CTDSPL: variants seen among roughly 807,000 people sequenced by gnomAD.
CTDSPL encodes the protein CTD small phosphatase like.
A neutral mutation model predicts 30.5 loss-of-function variants in CTDSPL; 8 were observed. The observed-to-expected ratio is 0.26, with a 90% CI of 0.15 to 0.47. CTDSPL has a LOEUF of 0.47. CTDSPL is among the 20% of genes least tolerant of loss of function. The pLI, the probability that CTDSPL is intolerant of heterozygous loss-of-function variation, is 0.99. For missense variants in CTDSPL, 248 were observed against 366.1 expected (o/e 0.68, Z 2.63); for synonymous variants, 110 against 137.9 (o/e 0.80, Z 1.42).
intron 1 of CTDSPL, among the ~76,000 whole-genome samples, chr3:37,905,602 C>T: frequency 6.6e-6 from 1 of 152,206 alleles, no homozygotes; most frequent in East Asian, 1.9e-4. Flanking sequence ...CCCCCTCCCT[C>T]CTTGTGCCAC....
chr3:37,898,323 C>A (rs1027523495), intron 1 of CTDSPL, among the ~76,000 whole-genome samples: 2 of 152,172 alleles, frequency 1.3e-5, no homozygotes, highest in African/African-American at 4.8e-5. Flanking sequence ...CAGAGACTTT[C>A]TTCCATTTTA....
intron 1 of CTDSPL, among the ~76,000 whole-genome samples, chr3:37,925,102 C>T (rs1346292551): frequency 6.6e-6 from 1 of 152,196 alleles, no homozygotes; most frequent in Non-Finnish European, 1.5e-5. Flanking sequence ...AAACATCCTT[C>T]CCTGTCCCCT....
chr3:37,960,390 G>A (rs575865369), intron 3 of CTDSPL, among the ~76,000 whole-genome samples: 1 of 142,630 alleles, frequency 7.0e-6, no homozygotes, highest in African/African-American at 2.6e-5. Context: ...TGAGGCAGGA[G>A]AATCACTTGA....
Position 37,975,777 on chromosome 3 carries a change from A to T in CTDSPL, c.588A>T (p.Ser196=). The T allele has an allele frequency of 1.2e-6, 2 of 1,613,962 alleles. No homozygotes were observed. Among genetic ancestry groups the T allele is most frequent in the South Asian group, 2.2e-5 (2 of 91,046 alleles). The part of the protein sequence containing the change: ...GVFRARLFRE[S]CVFHRGNYVK... The stretch of plus-strand genomic sequence containing the variant: ...TCCGGGCCCGGCTCTTCAGAGAATC[A>T]TGTGTTTTTCATCGTGGGAACTACG... Residue 196 remains serine (S), a synonymous_variant, in exon 7 of 8, where the codon TCA becomes TCT. Coordinates refer to ENST00000273179, the MANE Select transcript of CTDSPL (RefSeq NM_001008392.2). The surrounding 1 kb of genome is among the most constrained non-coding windows in gnomAD (Gnocchi z 4.9).
chr3:37,891,650 T>C (rs1480670525), intron 1 of CTDSPL, among the ~76,000 whole-genome samples: 1 of 152,246 alleles, frequency 6.6e-6, no homozygotes, highest in African/African-American at 2.4e-5. Context: ...AAAGAATATC[T>C]TTCATTTTTC....
At chr3:37,884,752 ATGAT>A (rs1698245375) in intron 1 of CTDSPL, among the ~76,000 whole-genome samples, 2 of 151,756 alleles carry the variant, frequency 1.3e-5, no homozygotes, top group African/African-American at 4.8e-5. Context: ...GGAGGAAAAG[ATGAT>A]TGAAGATATG....
At chr3:37,918,925 G>A (rs1043692858) in intron 1 of CTDSPL, among the ~76,000 whole-genome samples, 3 of 152,076 alleles carry the variant, frequency 2.0e-5, no homozygotes, top group Admixed American at 6.5e-5. Context: ...GTGGGGAGCC[G>A]TGTTTGCCTT....
rs1031040190 is a variant in CTDSPL, at chr3:37,862,210, C to G, written c.11C>G (p.Pro4Arg). The G allele has an allele frequency of 1.5e-4, 219 of 1,431,546 alleles. 1 individual carries two copies. The highest frequency in any genetic ancestry group is 1.9e-4 in the Non-Finnish European group (211 of 1,091,806). The allele number at this position is 1,431,546 out of a possible 1,614,324, so 88.7% of individuals were successfully genotyped here. MDG[P>R]AIITQVTNPK... ...CCGCGCCGCGCACCCATGGACGGCC[C>G]GGCCATCATCACCCAGGTGACCAAC... Residue 4 changes from proline to arginine, a missense_variant, in exon 1 of 8, where the codon CCG becomes CGG. Around this residue, in one of 4 missense-constraint regions of CTDSPL, gnomAD observed 118 missense variants for 124.7 expected, o/e 0.95. Coordinates refer to ENST00000273179, the MANE Select transcript of CTDSPL (RefSeq NM_001008392.2). This position sits in a 1 kb window ranked among gnomAD's most constrained non-coding sequence, Gnocchi z 4.3.
At chr3:37,913,507 C>T (rs1698606817) in intron 1 of CTDSPL, among the ~76,000 whole-genome samples, 1 of 152,068 alleles carries the variant, frequency 6.6e-6, no homozygotes, top group Non-Finnish European at 1.5e-5. Flanking sequence ...GCCTTTTTAA[C>T]CTGGAAAACA....
At chr3:37,901,448 C>G (rs1029303356) in intron 1 of CTDSPL, among the ~76,000 whole-genome samples, 6 of 152,208 alleles carry the variant, frequency 3.9e-5, no homozygotes, top group African/African-American at 1.4e-4. Flanking sequence ...CTTCCTCATT[C>G]TCCCTTCCTC....
chr3:37,903,095 C>G (rs1187589532), intron 1 of CTDSPL, among the ~76,000 whole-genome samples: 1 of 152,134 alleles, frequency 6.6e-6, no homozygotes, highest in Non-Finnish European at 1.5e-5. Flanking sequence ...GCTAGAGAGC[C>G]AAGCACAGGC....
At chr3:37,924,295 G>A (rs1698755305) in intron 1 of CTDSPL, among the ~76,000 whole-genome samples, 2 of 150,348 alleles carry the variant, frequency 1.3e-5, no homozygotes, top group Admixed American at 6.6e-5. Flanking sequence ...TATGGTTACT[G>A]TCCCACAATT....
intron 1 of CTDSPL, among the ~76,000 whole-genome samples, chr3:37,869,103 T>C (rs1472768078): frequency 6.6e-6 from 1 of 152,134 alleles, no homozygotes; most frequent in Non-Finnish European, 1.5e-5. Flanking sequence ...ACAAGTCCTA[T>C]TAATATTTTA....
intron 1 of CTDSPL, among the ~76,000 whole-genome samples, chr3:37,874,761 T>C (rs1698116843): frequency 6.6e-6 from 1 of 151,622 alleles, no homozygotes; most frequent in Non-Finnish European, 1.5e-5. Context: ...AATAAATAAA[T>C]ACAGACAGAC....
chr3:37,932,079 G>A (rs540754841), intron 1 of CTDSPL, among the ~76,000 whole-genome samples: 1 of 152,058 alleles, frequency 6.6e-6, no homozygotes, highest in African/African-American at 2.4e-5. Flanking sequence ...GCAGGAGAAT[G>A]GAATGGAAGA....
intron 1 of CTDSPL, among the ~76,000 whole-genome samples, chr3:37,923,180 T>C (rs1299814694): frequency 6.6e-6 from 1 of 152,194 alleles, no homozygotes; most frequent in Non-Finnish European, 1.5e-5. Context: ...ACAGGATGAC[T>C]GCTGAGCATA....
intron 1 of CTDSPL, among the ~76,000 whole-genome samples, chr3:37,911,179 G>C (rs886194037): frequency 6.6e-6 from 1 of 152,202 alleles, no homozygotes; most frequent in East Asian, 1.9e-4. Context: ...GTTTATTGCT[G>C]TACTCAGGAA....
chr3:37,958,319 A>G (rs1454487300), intron 3 of CTDSPL, among the ~76,000 whole-genome samples: 3 of 152,230 alleles, frequency 2.0e-5, no homozygotes, highest in Admixed American at 6.5e-5. Context: ...TTTGTTGAGA[A>G]AACTGGCTTT....
At chr3:37,890,457 C>T (rs1389160863) in intron 1 of CTDSPL, among the ~76,000 whole-genome samples, 1 of 151,940 alleles carries the variant, frequency 6.6e-6, no homozygotes, top group Non-Finnish European at 1.5e-5. Context: ...CAAGAAATGA[C>T]AATATTAGTA....
Sources: allele counts gnomAD v4.1 joint callset (sites outside exome capture counted in the v4.1 genomes callset), GRCh38; gene constraint gnomAD v4.1.1; regional missense constraint gnomAD v4.1.1; non-coding constraint Gnocchi (gnomAD v3.1); transcripts MANE v1.5; gene names NCBI Gene and HGNC (gene_info 2026-07-23, HGNC 2026-07-21).